LIN7A: variants seen among roughly 807,000 people sequenced by gnomAD.
LIN7A encodes the protein lin-7 cell polarity scaffold A, also known as protein lin-7 homolog A.
In LIN7A, 25 loss-of-function variants were observed where a neutral mutation model predicts 29.8. The observed-to-expected ratio is 0.84, with a 90% CI of 0.61 to 1.17. The LOEUF (loss-of-function observed/expected upper bound fraction) is 1.17, where lower values mean the gene tolerates loss of function less well. Among genes scored for constraint, LIN7A ranks in the 50% most tolerant of loss-of-function variants. The probability of loss-of-function intolerance (pLI) is 0.00; values close to 1 mark genes in which losing one functional copy is unlikely to be tolerated. For missense variants in LIN7A, 239 were observed against 287.0 expected (o/e 0.83, Z 1.21); for synonymous variants, 118 against 107.5 (o/e 1.10, Z -0.60).
intron 5 of LIN7A, among the ~76,000 whole-genome samples, chr12:80,807,083 T>TTTTTTTTTTTTTTTTTTTG: frequency 7.3e-6 from 1 of 137,206 alleles, no homozygotes; most frequent in South Asian, 2.4e-4. Flanking sequence ...TTTTTTTTTT[T>TTTTTTTTTTTTTTTTTTTG]TTTTTTTTGA....
intron 5 of LIN7A, among the ~76,000 whole-genome samples, chr12:80,806,254 G>A (rs999982291): frequency 2.6e-5 from 4 of 151,956 alleles, no homozygotes; most frequent in African/African-American, 4.8e-5. Flanking sequence ...GGTATAGCAC[G>A]AATAAAACCC....
At chr12:80,839,970 T>TG (rs1452136424) in intron 4 of LIN7A, among the ~76,000 whole-genome samples, 2 of 152,212 alleles carry the variant, frequency 1.3e-5, no homozygotes, top group Non-Finnish European at 2.9e-5. Flanking sequence ...CCACCAATGG[T>TG]GCTCTAAGAC....
At chr12:80,822,662 C>T (rs1346422274) in intron 4 of LIN7A, among the ~76,000 whole-genome samples, 1 of 151,972 alleles carries the variant, frequency 6.6e-6, no homozygotes, top group Non-Finnish European at 1.5e-5. Flanking sequence ...ATGGGAGCTA[C>T]AATTCAAGAT....
intron 4 of LIN7A, among the ~76,000 whole-genome samples, chr12:80,838,258 A>G (rs753180723): frequency 3.9e-5 from 6 of 152,222 alleles, no homozygotes; most frequent in Admixed American, 2.0e-4. Flanking sequence ...GCTCAAGTTG[A>G]TCTATGAAGG....
At chr12:80,826,751 G>A (rs184134360) in intron 4 of LIN7A, among the ~76,000 whole-genome samples, 2 of 152,278 alleles carry the variant, frequency 1.3e-5, no homozygotes, top group East Asian at 3.9e-4. Context: ...TCGAGCTCCT[G>A]ACCTCAAGTG....
intron 1 of LIN7A, among the ~76,000 whole-genome samples, chr12:80,935,041 G>T (rs924915040): frequency 6.6e-6 from 1 of 152,130 alleles, no homozygotes; most frequent in Non-Finnish European, 1.5e-5. Flanking sequence ...TCTATGAAAT[G>T]CACCTCAGTT....
chr12:80,861,440 CAT>C lies in LIN7A; in HGVS notation c.202-13120_202-13119del, dbSNP rs1873875493. ...CACATTTGATGGTGACGGGGTCACT[CAT>C]GTAATCCCGACAGATGGGGCAGTTG... On this transcript the variant is annotated intron_variant, in intron 2 of 5. Transcript: ENST00000552864. The C allele has an allele frequency of 1.9e-5, 3 of 155,480 alleles. No individual in the cohort carries two copies. The Admixed American group carries it at 2.0e-4, about 10-fold the overall frequency. 9.6% of individuals were successfully genotyped at this position (155,480 alleles called of 1,614,324 possible). A position where few individuals can be genotyped will look rare whatever the true frequency, so the allele number is the denominator to read the frequency against.
At chr12:80,869,132 T>TAATA (rs564460945) in intron 2 of LIN7A, among the ~76,000 whole-genome samples, 2,223 of 147,136 alleles carry the variant, frequency 0.015, 18 homozygotes, top group Non-Finnish European at 0.021. Context: ...CTAAAGTATC[T>TAATA]AATAAATAAA....
chr12:80,858,654 T>C (rs7959123), intron 2 of LIN7A, among the ~76,000 whole-genome samples: 116,750 of 151,962 alleles, frequency 0.77, 45,710 homozygotes, highest in East Asian at 0.97. Context: ...ATTAGCATAG[T>C]ACCATTCAAA....
intron 1 of LIN7A, among the ~76,000 whole-genome samples, chr12:80,900,239 G>C (rs565022573): frequency 1.1e-4 from 17 of 152,108 alleles, no homozygotes; most frequent in Non-Finnish European, 2.5e-4. Context: ...TCTTTTGTCT[G>C]GTTTTTCATG....
intron 1 of LIN7A, 27 bp downstream of exon 1, chr12:80,937,613 TG>T: frequency 7.0e-7 from 1 of 1,435,388 alleles, no homozygotes. Flanking sequence ...GGGGACGCGG[TG>T]GCCTGGCGAG....
At chr12:80,899,681 T>C (rs1302748923) in intron 1 of LIN7A, among the ~76,000 whole-genome samples, 1 of 151,988 alleles carries the variant, frequency 6.6e-6, no homozygotes, top group Non-Finnish European at 1.5e-5. Flanking sequence ...TGGTCTGTTC[T>C]GGGATTCAGT....
At chr12:80,854,667 T>C (rs1873509805) in intron 2 of LIN7A, among the ~76,000 whole-genome samples, 1 of 152,040 alleles carries the variant, frequency 6.6e-6, no homozygotes, top group Non-Finnish European at 1.5e-5. Flanking sequence ...TATATATTCA[T>C]AATCATGTAA....
At chr12:80,835,683 C>A (rs986240810) in intron 4 of LIN7A, among the ~76,000 whole-genome samples, 1 of 152,114 alleles carries the variant, frequency 6.6e-6, no homozygotes, top group Non-Finnish European at 1.5e-5. Context: ...CTTATTTAAT[C>A]TTTGGATTAA....
intron 2 of LIN7A, among the ~76,000 whole-genome samples, chr12:80,851,732 C>A (rs569866402): frequency 3.3e-5 from 5 of 150,896 alleles, no homozygotes; most frequent in African/African-American, 1.2e-4. Flanking sequence ...CTTTGGGTCC[C>A]AGAATGTATG....
chr12:80,805,172 A>G (rs1484647765), intron 5 of LIN7A, among the ~76,000 whole-genome samples: 1 of 152,212 alleles, frequency 6.6e-6, no homozygotes, highest in East Asian at 1.9e-4. Flanking sequence ...CTAATTGTTT[A>G]ATAAGTGTTA....
At chr12:80,915,159 A>AAAAAAAAC (rs980056049) in intron 1 of LIN7A, among the ~76,000 whole-genome samples, 2 of 151,566 alleles carry the variant, frequency 1.3e-5, no homozygotes, top group African/African-American at 2.4e-5. Flanking sequence ...AAGCAAAAAA[A>AAAAAAAAC]AAAAAAACAA....
intron 4 of LIN7A, among the ~76,000 whole-genome samples, chr12:80,816,953 A>C (rs1345110218): frequency 6.6e-6 from 1 of 152,002 alleles, no homozygotes; most frequent in Admixed American, 6.6e-5. Flanking sequence ...ATTTTTAGTA[A>C]AGACAGGGTT....
In LIN7A at chr12:80,848,857, G is replaced by A. The variant is rs186271280; in HGVS notation, c.202-535C>T. Among the ~76,000 whole-genome samples, 69 of 152,200 alleles carry A rather than the reference G, an allele frequency of 4.5e-4. 1 individual carries two copies. The East Asian group carries it at 8.9e-3, about 20-fold the overall frequency. On this transcript the variant is annotated intron_variant, in intron 2 of 5. Transcript: ENST00000552864. ...AGGAAAGGGAAAAACTGCAATCGAAGGTTGAAAGGTTTTTTTCTTCCTTTA... is the reference window on the plus strand; with the variant it reads ...AGGAAAGGGAAAAACTGCAATCGAAAGTTGAAAGGTTTTTTTCTTCCTTTA...
Sources: allele counts gnomAD v4.1 joint callset (sites outside exome capture counted in the v4.1 genomes callset), GRCh38; gene constraint gnomAD v4.1.1; transcripts MANE v1.5; gene names NCBI Gene and HGNC (gene_info 2026-07-23, HGNC 2026-07-21).